The following MAPRE2 variants were observed in gnomAD, a reference collection of about 807,000 sequenced individuals.
MAPRE2 encodes microtubule-associated protein RP/EB family member 2.
A neutral mutation model predicts 43.2 loss-of-function variants in MAPRE2; 13 were observed. The ratio of observed to expected loss-of-function variants is 0.30; its 90% confidence interval spans 0.20 to 0.48. The LOEUF (loss-of-function observed/expected upper bound fraction) is 0.48. Ranked by LOEUF, MAPRE2 falls within the 20% of genes least tolerant of loss-of-function variation. The pLI is 0.99. For synonymous variants in MAPRE2, 135 were observed against 148.8 expected (o/e 0.91, Z 0.68); for missense variants, 161 against 400.2 (o/e 0.40, Z 5.10).
At chr18:35,092,970 G>T (rs745789404) in intron 2 of MAPRE2, among the ~76,000 whole-genome samples, 18 of 152,118 alleles carry the variant, frequency 1.2e-4, no homozygotes, top group Non-Finnish European at 8.8e-5. Flanking sequence ...CCAGCACTTT[G>T]GGAGGCTGAG....
At chr18:34,993,992 CTTTTTTT>C (rs11301716) in intron 1 of MAPRE2, among the ~76,000 whole-genome samples, 8 of 120,034 alleles carry the variant, frequency 6.7e-5, no homozygotes, top group South Asian at 2.7e-4. Flanking sequence ...CATGGATTTT[CTTTTTTT>C]TTTTTTTTTT....
At chr18:34,980,217 G>C (rs1402585973) in intron 1 of MAPRE2, among the ~76,000 whole-genome samples, 1 of 151,518 alleles carries the variant, frequency 6.6e-6, no homozygotes, top group Non-Finnish European at 1.5e-5. Context: ...TAGAGATGGG[G>C]TTTCACCATG....
intron 2 of MAPRE2, among the ~76,000 whole-genome samples, chr18:35,035,677 C>G (rs372682909): frequency 6.6e-6 from 1 of 150,574 alleles, no homozygotes; most frequent in African/African-American, 2.4e-5. Flanking sequence ...GATTCATACT[C>G]TCTGTGACAT....
At position 35,089,154 on chromosome 18, in the gene MAPRE2, G is replaced by A. The variant is rs190620360; in HGVS notation, c.251-8292G>A. Among the ~76,000 whole-genome samples the A allele has an allele frequency of 4.6e-5, 7 of 152,312 alleles. No individual in the cohort carries two copies. The East Asian group carries it at 5.8e-4, about 13-fold the overall frequency. On this transcript the variant is annotated intron_variant, in intron 2 of 6. Coordinates refer to ENST00000300249, the MANE Select transcript of MAPRE2 (RefSeq NM_014268.4). ...AATGACTCAGTGAGTAAGAGGAGACGTGACCCAGAGCACAAGTAGAGAGTT... is the reference window on the plus strand; with the variant it reads ...AATGACTCAGTGAGTAAGAGGAGACATGACCCAGAGCACAAGTAGAGAGTT...
intron 1 of MAPRE2, among the ~76,000 whole-genome samples, chr18:35,053,093 T>TA (rs1906036970): frequency 6.6e-6 from 1 of 151,538 alleles, no homozygotes; most frequent in South Asian, 2.1e-4. Context: ...AGTAAGTACA[T>TA]ATTAAATGAG....
chr18:35,087,888 G>C (rs779028601), intron 2 of MAPRE2, among the ~76,000 whole-genome samples: 12 of 152,172 alleles, frequency 7.9e-5, no homozygotes, highest in Non-Finnish European at 1.2e-4. Flanking sequence ...TCCAAGATCA[G>C]GGAACCAGCA....
chr18:35,102,316 C>T (rs1908716749), intron 4 of MAPRE2, among the ~76,000 whole-genome samples, 157 bp downstream of exon 4: 6 of 152,192 alleles, frequency 3.9e-5, no homozygotes, highest in Admixed American at 3.9e-4. Context: ...CCACATTTAT[C>T]TTCCTGTGAC....
intron 4 of MAPRE2, among the ~76,000 whole-genome samples, chr18:35,113,101 C>T (rs1188460257): frequency 2.0e-5 from 3 of 152,184 alleles, no homozygotes; most frequent in African/African-American, 7.2e-5. Context: ...TAGGTTTCAA[C>T]GTATAGATCT....
chr18:35,002,309 G>A lies in MAPRE2; in HGVS notation c.-69-3183G>A, dbSNP rs2097029753. Among the ~76,000 whole-genome samples, 5 of 152,258 alleles carry A rather than the reference G, an allele frequency of 3.3e-5. No individual in the cohort carries two copies. In the South Asian group the frequency reaches 1.0e-3, roughly 32 times the overall value. ...ATTGCTGGGTAGTATTCTGAAGTTT[G>A]GATGCAGCACGGTTTGTTTAACCAT... On this transcript the variant is annotated intron_variant, in intron 1 of 7. Coordinates refer to the MAPRE2 transcript ENST00000413393.
rs1270875547 is a variant in MAPRE2 at position 34,985,387 on chromosome 18, TA to T, written c.-70+8309del. Among the ~76,000 whole-genome samples, 19 of 38,270 alleles carry T rather than the reference TA, an allele frequency of 5.0e-4. 1 individual carries two copies. The highest frequency in any genetic ancestry group is 2.1e-3 in the African/African-American group (17 of 8,212). 25.1% of individuals were successfully genotyped at this position (38,270 alleles called of 152,430 possible). On this transcript the variant is annotated intron_variant, in intron 1 of 7. Coordinates refer to the MAPRE2 transcript ENST00000413393. Reference sequence around the variant, plus strand: ...ATAATATATAATATATTATTTTATATATATATAATATATAATATATTATAAA... The same window carrying T: ...ATAATATATAATATATTATTTTATATTATATAATATATAATATATTATAAA...
chr18:35,095,933 A>G (rs1908396311), intron 2 of MAPRE2, among the ~76,000 whole-genome samples: 1 of 152,024 alleles, frequency 6.6e-6, no homozygotes, highest in South Asian at 2.1e-4. Flanking sequence ...TATTCAGGGT[A>G]TGTCATCTAA....
chr18:35,056,273 G>A (rs1359755652), intron 1 of MAPRE2, among the ~76,000 whole-genome samples: 1 of 151,864 alleles, frequency 6.6e-6, no homozygotes, highest in Non-Finnish European at 1.5e-5. Flanking sequence ...TATACATAAT[G>A]AACCCATTAA....
intron 4 of MAPRE2, among the ~76,000 whole-genome samples, chr18:35,103,069 A>G (rs925139718): frequency 6.6e-6 from 1 of 152,176 alleles, no homozygotes; most frequent in Non-Finnish European, 1.5e-5. Context: ...TTACTGTTAA[A>G]CAGCATTTTT....
intron 1 of MAPRE2, among the ~76,000 whole-genome samples, chr18:35,044,397 AT>A (rs1298009614): frequency 1.3e-5 from 2 of 151,966 alleles, no homozygotes; most frequent in East Asian, 3.9e-4. Context: ...CGCCCAGCTA[AT>A]TTTGTATTTT....
At chr18:35,045,050 AC>A in intron 1 of MAPRE2, among the ~76,000 whole-genome samples, 1 of 152,342 alleles carries the variant, frequency 6.6e-6, no homozygotes, top group Middle Eastern at 3.4e-3. Flanking sequence ...AAGAGTAAGT[AC>A]AAAAATGGCT....
intron 4 of MAPRE2, among the ~76,000 whole-genome samples, chr18:35,113,339 A>G (rs500903): frequency 0.75 from 113,679 of 152,158 alleles, 43,227 homozygotes; most frequent in African/African-American, 0.9. Flanking sequence ...AGGAAGAGCC[A>G]TACATTTTTC....
intron 5 of MAPRE2, among the ~76,000 whole-genome samples, chr18:35,129,143 A>G (rs1260906278): frequency 6.6e-6 from 1 of 152,190 alleles, no homozygotes; most frequent in Non-Finnish European, 1.5e-5. Context: ...ACACCGAGGA[A>G]TGTGCCTGCC....
intron 1 of MAPRE2, among the ~76,000 whole-genome samples, chr18:35,067,417 G>A (rs1001250524): frequency 1.1e-4 from 16 of 152,088 alleles, no homozygotes; most frequent in African/African-American, 3.4e-4. Context: ...TTGTTTATAT[G>A]GATTTTTAAA....
At chr18:35,041,389 G>C, upstream of MAPRE2, 1 of 1,492,898 alleles carries the variant, frequency 6.7e-7, no homozygotes, top group Non-Finnish European at 8.9e-7. Context: ...GGCCGCAGGA[G>C]GGCGGGGCGC....
Sources: gnomAD v4.1 joint callset for allele counts (sites outside exome capture counted in the v4.1 genomes callset) on GRCh38, gnomAD v4.1.1 for gene constraint, MANE v1.5 for transcripts, NCBI Gene and HGNC (gene_info 2026-07-23, HGNC 2026-07-21) for gene names.